The following TCOF1 variants were observed in gnomAD, a reference collection of about 807,000 sequenced individuals.
The protein encoded by TCOF1 is treacle ribosome biogenesis factor 1.
A neutral mutation model predicts 149.0 loss-of-function variants in TCOF1; 33 were observed. The ratio of observed to expected loss-of-function variants is 0.22; its 90% CI spans 0.17 to 0.30. TCOF1 has a LOEUF of 0.30. Among genes scored for constraint, TCOF1 ranks in the 10% least tolerant of loss-of-function variants. The pLI is 1.00. For missense variants in TCOF1, 1,728 were observed against 1,840.7 expected (o/e 0.94, Z 1.12); for synonymous variants, 789 against 738.8 (o/e 1.07, Z -1.10).
rs746686411 is a variant in TCOF1, at chr5:150,392,193, A to G, written c.3517+17A>G. 2.5e-6 allele frequency: 4 copies of G among 1,612,294 alleles called. No homozygotes were observed. The South Asian group carries it at 4.4e-5, about 18-fold the overall frequency. ...ACACGCTGGGTGAGGGTGCCAGGGG[A>G]AAGGCAAGGGTGGGCCAGGAAGAGG... On this transcript the variant is annotated intron_variant, in intron 21 of 26. Transcript: ENST00000643257.
At chr5:150,396,184 A>G in intron 23 of TCOF1, 98 bp from the exon 24 acceptor site, 1 of 1,376,354 alleles carries the variant, frequency 7.3e-7, no homozygotes, top group Non-Finnish European at 1.0e-6. Flanking sequence ...ATTGTAAGAA[A>G]AGATGGAGTC....
intron 6 of TCOF1, among the ~76,000 whole-genome samples, chr5:150,371,018 A>C (rs941518724): frequency 1.3e-5 from 2 of 152,176 alleles, no homozygotes; most frequent in Admixed American, 1.3e-4. Flanking sequence ...GTTGGAGGGC[A>C]GTGCAGAATA....
rs767978317 is a variant in TCOF1 at position 150,372,101 on chromosome 5, G to A, written c.735G>A (p.Val245=). The A allele has an allele frequency of 1.5e-5, 24 of 1,614,120 alleles. No homozygotes were observed. The highest frequency in any genetic ancestry group is 4.0e-5 in the African/African-American group (3 of 74,952). Residue 245 remains valine, a synonymous_variant, in exon 7 of 27, where the codon GTG becomes GTA. Transcript: ENST00000643257. ...AGGCGGCCCCAGCCCCTGGGAAGGT[G>A]GGGGATGTGACACCCCAGGTCAAAG... The part of the protein sequence containing the change: ...ARKAAPAPGK[V]GDVTPQVKGG...
intron 21 of TCOF1, chr5:150,392,445 A>T: frequency 1.6e-6 from 1 of 609,200 alleles, no homozygotes; most frequent in Admixed American, 2.9e-5. Context: ...ATGTTTCTGG[A>T]ACAGTGGAAA....
chr5:150,396,845 G>A lies in TCOF1; in HGVS notation c.4345+3G>A. 6.3e-7 allele frequency: 1 copy of A among 1,590,492 alleles called. No homozygotes were observed. ...GGAGAAGAAGAAATCCGACAAGAGT[G>A]AGTGACCGCTTCTCCCAGCCCACCC... On this transcript the variant is annotated splice_donor_region_variant and intron_variant, in intron 24 of 26. Transcript: ENST00000643257.
At position 150,396,617 on chromosome 5, in the gene TCOF1, G is replaced by T. The variant is rs750642253; in HGVS notation, c.4120G>T (p.Gly1374Trp). 4 of 1,593,424 alleles carry T rather than the reference G, an allele frequency of 2.5e-6. No homozygotes were observed. The highest frequency in any genetic ancestry group is 1.3e-5 in the African/African-American group (1 of 74,584). Residue 1374 changes from glycine (G) to tryptophan (W), a missense_variant, in exon 24 of 27, where the codon GGG becomes TGG. Physicochemically the swap from Gly to Trp is radical, Grantham distance 184. Coordinates refer to ENST00000643257, the MANE Select transcript of TCOF1 (RefSeq NM_001371623.1). The part of the protein sequence containing the change: ...KKKKLGAGEG[G>W]EASVSPEKTS... Reference sequence around the variant, plus strand: ...GAAGAAGCTGGGGGCCGGGGAAGGTGGGGAGGCCTCTGTTTCCCCAGAAAA... The same window carrying T: ...GAAGAAGCTGGGGGCCGGGGAAGGTTGGGAGGCCTCTGTTTCCCCAGAAAA...
chr5:150,380,383 T>C (rs1179024676), intron 17 of TCOF1: 4 of 155,596 alleles, frequency 2.6e-5, no homozygotes, highest in African/African-American at 9.6e-5. Context: ...ACGTTAACGT[T>C]ATACAAAATG....
Position 150,376,145 on chromosome 5 carries a change from T to C in TCOF1, c.1957T>C (p.Ser653Pro). Residue 653 changes from serine (S) to proline (P), a missense_variant, in exon 13 of 27, where the codon TCT becomes CCT. Ser to Pro is a moderately conservative substitution (Grantham distance 74). Around this residue, in one of 2 missense-constraint regions of TCOF1, gnomAD observed 1,696 missense variants for 1,765.4 expected, o/e 0.96. Transcript: ENST00000643257. The stretch of plus-strand genomic sequence containing the variant: ...CCCAAAGAAAACCAATACCACTGCA[T>C]CTGCCAAGGTCGCCCCTGTGCGAGT... ...ACPKKTNTTA[S>P]AKVAPVRVGT... is the part of the protein sequence containing the mutation. 1 of 1,614,192 alleles carries C rather than the reference T, an allele frequency of 6.2e-7. No individual in the cohort carries two copies.
chr5:150,384,722 AGGAGGATTC>A lies in TCOF1; in HGVS notation c.2860-3177_2860-3169del. On this transcript the variant is annotated intron_variant, in intron 17 of 26. Coordinates refer to ENST00000643257, the MANE Select transcript of TCOF1 (RefSeq NM_001371623.1). ...AAGTCAGCGGTTTGTACATTCCCCC[AGGAGGATTC>A]GGGGAAGACGGGCATAGCCCGGGGA... 8.1e-6 allele frequency: 8 copies of A among 985,504 alleles called. No homozygotes were observed. The South Asian group carries it at 3.8e-4, about 46-fold the overall frequency. The allele number at this position is 985,504 out of a possible 1,614,324, so 61.0% of individuals were successfully genotyped here. A position where few individuals can be genotyped will look rare whatever the true frequency, so the allele number is the denominator to read the frequency against.
At chr5:150,384,047 C>G (rs990704843) in intron 17 of TCOF1, 13 of 1,347,082 alleles carry the variant, frequency 9.7e-6, no homozygotes, top group Non-Finnish European at 1.2e-5. Context: ...CTCCCCTGTC[C>G]CAGGGCCTAA....
intron 23 of TCOF1, among the ~76,000 whole-genome samples, chr5:150,395,197 C>T (rs1022175399): frequency 4.6e-5 from 7 of 152,250 alleles, no homozygotes; most frequent in Non-Finnish European, 1.0e-4. Flanking sequence ...CTGCATGCTG[C>T]AGGGGGCAGC....
At chr5:150,389,814 T>G in intron 18 of TCOF1, 73 bp from the exon 19 acceptor site, 1 of 1,612,458 alleles carries the variant, frequency 6.2e-7, no homozygotes, top group Non-Finnish European at 8.5e-7. Context: ...GCCGGTAAAT[T>G]GGGTTATTGC....
rs758128879 is a variant in TCOF1 at position 150,392,183 on chromosome 5, G to A, written c.3517+7G>A. The A allele has an allele frequency of 1.7e-5, 28 of 1,612,980 alleles. No individual in the cohort carries two copies. The highest frequency in any genetic ancestry group is 2.4e-5 in the Non-Finnish European group (28 of 1,179,246). On this transcript the variant is annotated splice_region_variant and intron_variant, in intron 21 of 26. Coordinates refer to ENST00000643257, the MANE Select transcript of TCOF1 (RefSeq NM_001371623.1). ...AAGTCAGCCCACACGCTGGGTGAGGGTGCCAGGGGAAAGGCAAGGGTGGGC... is the reference window on the plus strand; with the variant it reads ...AAGTCAGCCCACACGCTGGGTGAGGATGCCAGGGGAAAGGCAAGGGTGGGC...
rs11411923 is a variant in TCOF1, at chr5:150,377,733, C to CA, written c.2340+1115dup. 5.0e-3 allele frequency among the ~76,000 whole-genome samples: 764 copies of CA among 152,292 alleles called. 5 individuals carry two copies. Among genetic ancestry groups the CA allele is most frequent in the African/African-American group, 0.017 (721 of 41,542 alleles). On this transcript the variant is annotated intron_variant, in intron 14 of 26. Transcript: ENST00000643257. The stretch of plus-strand genomic sequence containing the variant: ...CCAAGCTGCAGGCACATTCCAGACC[C>CA]AATGCCTTACAGAGTTTCATTATGC...
chr5:150,367,768 T>C, intron 3 of TCOF1, 76 bp from the exon 4 acceptor site: 1 of 1,536,018 alleles, frequency 6.5e-7, no homozygotes, highest in South Asian at 1.1e-5. Context: ...AATTGTTAGG[T>C]GAGATGAAAC....
At chr5:150,395,772 T>C (rs1306281170) in intron 23 of TCOF1, among the ~76,000 whole-genome samples, 2 of 152,066 alleles carry the variant, frequency 1.3e-5, no homozygotes, top group African/African-American at 2.4e-5. Context: ...CCCCCACTTT[T>C]ATTATAAATC....
In TCOF1 at chr5:150,396,153, C is replaced by T. The variant is rs2151096340; in HGVS notation, c.3785-129C>T. 6 of 1,081,402 alleles carry T rather than the reference C, an allele frequency of 5.5e-6. No individual in the cohort carries two copies. The East Asian group carries it at 1.4e-4, about 26-fold the overall frequency. The allele number at this position is 1,081,402 out of a possible 1,614,324, so 67.0% of individuals were successfully genotyped here. ...AGCTGGGGCAGAGTGACCGCCAAGC[C>T]TTGCTCTCCCCATCTGTGCCATTGT... On this transcript the variant is annotated intron_variant, in intron 23 of 26. Coordinates refer to ENST00000643257, the MANE Select transcript of TCOF1 (RefSeq NM_001371623.1).
At chr5:150,390,598 T>C (rs1316995647) in intron 19 of TCOF1, among the ~76,000 whole-genome samples, 1 of 146,976 alleles carries the variant, frequency 6.8e-6, no homozygotes, top group Non-Finnish European at 1.5e-5. Flanking sequence ...CAGTCTGGTT[T>C]CCCATCCCAC....
At chr5:150,366,305 T>C (rs72805936) in intron 3 of TCOF1, among the ~76,000 whole-genome samples, 2 of 151,968 alleles carry the variant, frequency 1.3e-5, no homozygotes, top group Non-Finnish European at 2.9e-5. Context: ...GAGCTATGAA[T>C]GTGCCACTGT....
Sources: allele counts gnomAD v4.1 joint callset (sites outside exome capture counted in the v4.1 genomes callset), GRCh38; gene constraint gnomAD v4.1.1; regional missense constraint gnomAD v4.1.1; transcripts MANE v1.5; gene names NCBI Gene and HGNC (gene_info 2026-07-23, HGNC 2026-07-21).